Variants in HEMK2 observed in about 807,000 individuals in gnomAD.
The protein encoded by HEMK2 is methyltransferase HEMK2.
the HEMK2 span, among the ~76,000 whole-genome samples, chr21:28,819,898 C>CTT: frequency 3.3e-5 from 5 of 152,266 alleles, no homozygotes; most frequent in Middle Eastern, 0.01. Context: ...AGGTCCTTTA[C>CTT]TTAGTACTTT....
the HEMK2 span, among the ~76,000 whole-genome samples, chr21:28,880,542 G>T: frequency 6.6e-6 from 1 of 151,946 alleles, no homozygotes; most frequent in African/African-American, 2.4e-5. Context: ...GACCAGCCTC[G>T]CCAACCCATG....
At chr21:28,831,476 AAAGAAAGAAAGAAAG>A in the HEMK2 span, among the ~76,000 whole-genome samples, 2 of 41,442 alleles carry the variant, frequency 4.8e-5, no homozygotes, top group East Asian at 1.7e-3. Flanking sequence ...AGAAAGAAAG[AAAGAAAGAAAGAAAG>A]AAAGAAAGAA....
At chr21:28,582,092 A>G in the HEMK2 span, among the ~76,000 whole-genome samples, 1 of 152,332 alleles carries the variant, frequency 6.6e-6, no homozygotes, top group South Asian at 2.1e-4. Context: ...CAAACACTGA[A>G]GTGGTTATTT....
the HEMK2 span, among the ~76,000 whole-genome samples, chr21:28,796,263 C>A: frequency 1.3e-5 from 2 of 152,096 alleles, no homozygotes; most frequent in Non-Finnish European, 2.9e-5. Flanking sequence ...CTCAGCCTCC[C>A]GAGTAGCTGG....
the HEMK2 span, among the ~76,000 whole-genome samples, chr21:28,752,182 A>G: frequency 6.6e-6 from 1 of 152,208 alleles, no homozygotes; most frequent in Admixed American, 6.5e-5. Context: ...CAGTGAATAG[A>G]CTAATTGTCC....
the HEMK2 span, among the ~76,000 whole-genome samples, chr21:28,651,657 C>T: frequency 2.6e-5 from 4 of 152,130 alleles, no homozygotes; most frequent in Non-Finnish European, 5.9e-5. Flanking sequence ...AGCATTATCA[C>T]GAAGGTCAGA....
chr21:28,863,465 T>TATATATATAC, the HEMK2 span, among the ~76,000 whole-genome samples: 11 of 85,592 alleles, frequency 1.3e-4, 2 homozygotes, highest in Admixed American at 2.7e-4. Flanking sequence ...TATATATATA[T>TATATATATAC]ATATACTTCA....
the HEMK2 span, among the ~76,000 whole-genome samples, chr21:28,759,542 G>A: frequency 4.2e-4 from 64 of 152,268 alleles, no homozygotes; most frequent in African/African-American, 1.5e-3. Context: ...TGGGACTGTT[G>A]AGAAGGCATG....
the HEMK2 span, among the ~76,000 whole-genome samples, chr21:28,795,570 G>A: frequency 1.3e-5 from 2 of 152,172 alleles, no homozygotes; most frequent in Admixed American, 6.5e-5. Flanking sequence ...TGTTTACTGG[G>A]TGAACAGATA....
At chr21:28,673,145 GAGGAAGGA>G in the HEMK2 span, among the ~76,000 whole-genome samples, 1 of 147,546 alleles carries the variant, frequency 6.8e-6, no homozygotes, top group African/African-American at 2.5e-5. Context: ...GAAAGAAAAA[GAGGAAGGA>G]AGGAAGGAAG....
chr21:28,771,518 A>ACC, the HEMK2 span, among the ~76,000 whole-genome samples: 487 of 105,648 alleles, frequency 4.6e-3, 13 homozygotes, highest in African/African-American at 9.0e-3. Flanking sequence ...AAGATGCACC[A>ACC]CCCCCCCCCG....
the HEMK2 span, among the ~76,000 whole-genome samples, chr21:28,778,310 T>C: frequency 2.0e-5 from 3 of 152,230 alleles, no homozygotes; most frequent in Admixed American, 6.5e-5. Flanking sequence ...TTTCTTTTTA[T>C]TGCTGGGTAG....
chr21:28,802,031 T>C, the HEMK2 span, among the ~76,000 whole-genome samples: 5 of 152,186 alleles, frequency 3.3e-5, no homozygotes, highest in Non-Finnish European at 7.3e-5. Context: ...TTGGAGAATG[T>C]ATCCTGTATA....
the HEMK2 span, among the ~76,000 whole-genome samples, chr21:28,716,831 A>G: frequency 6.6e-6 from 1 of 152,194 alleles, no homozygotes; most frequent in Non-Finnish European, 1.5e-5. Flanking sequence ...GCTGGATTTT[A>G]TGAAAAAGCT....
At chr21:28,731,870 G>C in the HEMK2 span, among the ~76,000 whole-genome samples, 1 of 152,180 alleles carries the variant, frequency 6.6e-6, no homozygotes, top group Non-Finnish European at 1.5e-5. Context: ...GAACTCTGCA[G>C]AGCACCCTAG....
the HEMK2 span, among the ~76,000 whole-genome samples, chr21:28,707,923 T>C: frequency 6.6e-6 from 1 of 152,152 alleles, no homozygotes; most frequent in African/African-American, 2.4e-5. Context: ...AAGCTGAATA[T>C]AGTTATAGAA....
the HEMK2 span, among the ~76,000 whole-genome samples, chr21:28,740,199 T>C: frequency 3.2e-4 from 48 of 152,338 alleles, no homozygotes; most frequent in African/African-American, 1.1e-3. Flanking sequence ...TTAAAGCCTA[T>C]CTATATCTTA....
the HEMK2 span, among the ~76,000 whole-genome samples, chr21:28,870,312 A>G: frequency 6.6e-6 from 1 of 152,230 alleles, no homozygotes; most frequent in Non-Finnish European, 1.5e-5. Context: ...ATCTGTTACA[A>G]CTGATGAACC....
At chr21:28,876,911 T>C in the HEMK2 span, among the ~76,000 whole-genome samples, 1 of 151,148 alleles carries the variant, frequency 6.6e-6, no homozygotes, top group African/African-American at 2.4e-5. Flanking sequence ...GTAGCTTATT[T>C]CTTTCAGGCA....
Sources: allele counts gnomAD v4.1 joint callset (sites outside exome capture counted in the v4.1 genomes callset), GRCh38; gene constraint gnomAD v4.1.1; transcripts MANE v1.5; gene names NCBI Gene and HGNC (gene_info 2026-07-23, HGNC 2026-07-21).